YES1: variants seen among roughly 807,000 people sequenced by gnomAD.
YES1 encodes YES proto-oncogene 1, Src family tyrosine kinase, also known as tyrosine-protein kinase Yes.
A neutral mutation model predicts 70.4 loss-of-function variants in YES1; 39 were observed. That is an observed-to-expected ratio of 0.55 (90% CI 0.43 to 0.72). The LOEUF (loss-of-function observed/expected upper bound fraction) is 0.72. Among genes scored for constraint, YES1 ranks in the 30% least tolerant of loss-of-function variants. The pLI is 0.00. For missense variants in YES1, 495 were observed against 644.8 expected, an observed-to-expected ratio of 0.77 and a Z score of 2.52; for synonymous variants, 198 against 218.6, an observed-to-expected ratio of 0.91 and a Z score of 0.83.
intron 1 of YES1, among the ~76,000 whole-genome samples, chr18:794,315 T>C (rs1038562711): frequency 6.6e-6 from 1 of 152,156 alleles, no homozygotes; most frequent in African/African-American, 2.4e-5. Flanking sequence ...AACTCATCGA[T>C]GTACACTATA....
chr18:733,456 A>G (rs1022330529), intron 10 of YES1, among the ~76,000 whole-genome samples: 6 of 152,084 alleles, frequency 3.9e-5, no homozygotes, highest in African/African-American at 1.2e-4. Flanking sequence ...TTTTTTGTGG[A>G]GGGCATTATG....
At chr18:724,821 T>G (rs529253888) in intron 11 of YES1, among the ~76,000 whole-genome samples, 189 bp from the exon 12 acceptor site, 1 of 152,364 alleles carries the variant, frequency 6.6e-6, no homozygotes, top group East Asian at 1.9e-4. Flanking sequence ...ATCTATGTTT[T>G]AACATGTCTA....
At chr18:809,851 C>T (rs1210340132) in intron 1 of YES1, among the ~76,000 whole-genome samples, 2 of 152,018 alleles carry the variant, frequency 1.3e-5, no homozygotes, top group Non-Finnish European at 2.9e-5. Context: ...ACACTAAGAC[C>T]AATACCCTTG....
At chr18:753,363 T>A (rs1260305385) in intron 2 of YES1, among the ~76,000 whole-genome samples, 1 of 152,226 alleles carries the variant, frequency 6.6e-6, no homozygotes, top group East Asian at 1.9e-4. Flanking sequence ...TTAACTGTGT[T>A]CTACAATAGA....
chr18:735,020 G>A (rs2080136117), intron 10 of YES1, among the ~76,000 whole-genome samples: 1 of 152,102 alleles, frequency 6.6e-6, no homozygotes, highest in African/African-American at 2.4e-5. Flanking sequence ...AGCCGGGCCT[G>A]GTGGCAGGTG....
chr18:811,018 T>C (rs1350602850), intron 1 of YES1, among the ~76,000 whole-genome samples: 2 of 152,350 alleles, frequency 1.3e-5, no homozygotes, highest in Admixed American at 6.5e-5. Flanking sequence ...ATACATTTAG[T>C]AATACTTTCC....
At chr18:752,681 G>A (rs543635747) in intron 2 of YES1, among the ~76,000 whole-genome samples, 2 of 152,088 alleles carry the variant, frequency 1.3e-5, no homozygotes, top group African/African-American at 4.8e-5. Flanking sequence ...AGTGGTTCAC[G>A]TCTGTAATCT....
chr18:726,922 G>A (rs151115965), intron 11 of YES1, among the ~76,000 whole-genome samples: 44 of 151,642 alleles, frequency 2.9e-4, no homozygotes, highest in African/African-American at 8.5e-4. Flanking sequence ...GTAAACAGGC[G>A]CTGTTGCTTT....
intron 1 of YES1, among the ~76,000 whole-genome samples, chr18:764,818 C>T (rs547010953): frequency 6.3e-4 from 95 of 151,612 alleles, no homozygotes; most frequent in Non-Finnish European, 7.7e-4. Flanking sequence ...CTGTAACCTC[C>T]GCCTCCTGGG....
chr18:810,024 T>TA (rs1907293868), intron 1 of YES1, among the ~76,000 whole-genome samples: 1 of 151,146 alleles, frequency 6.6e-6, no homozygotes, highest in African/African-American at 2.4e-5. Flanking sequence ...TTTTTTTTTT[T>TA]AATTACCCAA....
intron 1 of YES1, among the ~76,000 whole-genome samples, chr18:788,584 A>C (rs888809481): frequency 6.6e-6 from 1 of 152,208 alleles, no homozygotes; most frequent in Admixed American, 6.5e-5. Flanking sequence ...ATGCAACAAC[A>C]TTAAGAATTT....
intron 11 of YES1, among the ~76,000 whole-genome samples, chr18:725,480 C>T (rs1318357515): frequency 2.0e-5 from 3 of 152,036 alleles, no homozygotes; most frequent in African/African-American, 7.2e-5. Context: ...TAAGTGATTT[C>T]TCAAAATACA....
At chr18:764,245 T>C (rs1030263594) in intron 1 of YES1, among the ~76,000 whole-genome samples, 2 of 152,216 alleles carry the variant, frequency 1.3e-5, no homozygotes. Context: ...TTTTTGAGAC[T>C]GAGTCTCACT....
At chr18:798,686 C>T (rs2145830135) in intron 1 of YES1, among the ~76,000 whole-genome samples, 1 of 152,130 alleles carries the variant, frequency 6.6e-6, no homozygotes, top group African/African-American at 2.4e-5. Context: ...TACTCTGACC[C>T]CCTCCCTCCA....
chr18:777,261 A>C (rs550610678), intron 1 of YES1, among the ~76,000 whole-genome samples: 1 of 152,198 alleles, frequency 6.6e-6, no homozygotes, highest in Non-Finnish European at 1.5e-5. Flanking sequence ...ATTTAGCACT[A>C]ATTGTTTTAT....
At chr18:752,497 T>A (rs532459249) in intron 2 of YES1, among the ~76,000 whole-genome samples, 4 of 152,200 alleles carry the variant, frequency 2.6e-5, no homozygotes, top group Middle Eastern at 6.3e-3. Context: ...AGAAAAAGGA[T>A]TGATGACTAC....
intron 2 of YES1, among the ~76,000 whole-genome samples, chr18:755,852 C>T (rs752596423): frequency 2.0e-5 from 3 of 152,152 alleles, no homozygotes; most frequent in Non-Finnish European, 4.4e-5. Context: ...AGTGAAAAAG[C>T]ATCCTGATAC....
chr18:808,417 A>G (rs1294244057), intron 1 of YES1, among the ~76,000 whole-genome samples: 1 of 152,210 alleles, frequency 6.6e-6, no homozygotes, highest in African/African-American at 2.4e-5. Context: ...AAGAGATAAT[A>G]CATACCCTAC....
At chr18:745,025 A>C (rs1344892298) in intron 6 of YES1, among the ~76,000 whole-genome samples, 1 of 152,112 alleles carries the variant, frequency 6.6e-6, no homozygotes. Flanking sequence ...AACATGCTTG[A>C]TCAATGTCAA....
Sources: gnomAD v4.1 joint callset for allele counts (sites outside exome capture counted in the v4.1 genomes callset) on GRCh38, gnomAD v4.1.1 for gene constraint, MANE v1.5 for transcripts, NCBI Gene and HGNC (gene_info 2026-07-23, HGNC 2026-07-21) for gene names.